The following DCHS2 variants were observed in gnomAD, a reference collection of about 807,000 sequenced individuals.
DCHS2 encodes the protein protocadherin-23.
In DCHS2, 142 loss-of-function variants were observed where a neutral mutation model predicts 182.4. That is an observed-to-expected ratio of 0.78 (90% CI 0.68 to 0.89). DCHS2 has a LOEUF of 0.89. Ranked by LOEUF, DCHS2 falls within the 40% of genes least tolerant of loss-of-function variation. The pLI, the probability that DCHS2 is intolerant of heterozygous loss-of-function variation, is 0.00. For missense variants in DCHS2, 4,319 were observed against 4,198.6 expected (o/e 1.03, Z -0.79); for synonymous variants, 1,740 against 1,663.3 (o/e 1.05, Z -1.12).
At chr4:154,322,926 A>G (rs952724842) in intron 7 of DCHS2, 4 of 321,724 alleles carry the variant, frequency 1.2e-5, no homozygotes, top group African/African-American at 2.1e-5. Context: ...AAAATTAATA[A>G]TGGTTCACAG....
At chr4:154,293,796 T>A (rs191979695) in intron 13 of DCHS2, among the ~76,000 whole-genome samples, 35 of 152,318 alleles carry the variant, frequency 2.3e-4, no homozygotes, top group African/African-American at 8.2e-4. Flanking sequence ...TTCCAAATTA[T>A]CACTGGAAAG....
chr4:154,333,333 C>A lies in DCHS2; in HGVS notation c.2875G>T (p.Ala959Ser). 1 of 1,614,136 alleles carries A rather than the reference C, an allele frequency of 6.2e-7. No homozygotes were observed. Among genetic ancestry groups the A allele is most frequent in the Non-Finnish European group, 8.5e-7 (1 of 1,180,022 alleles). The stretch of plus-strand genomic sequence containing the variant: ...ATGTTGACCTCGGTGCTGCTGCAGG[C>A]TGGGGCGCTGCCGAGCTGCGCCTGC... ...TVQAQLGSAP[A>S]CSSTEVNITV... is the part of the protein sequence containing the mutation. The change falls in exon 5 of 20, where the codon GCC (alanine) becomes TCC (serine). Residue 959 changes from alanine (A) to serine (S), a missense_variant. Ala to Ser is a moderately conservative substitution (Grantham distance 99, BLOSUM62 1). Coordinates refer to ENST00000357232, the MANE Select transcript of DCHS2 (RefSeq NM_001358235.2).
chr4:154,429,420 C>T (rs1733469218), intron 1 of DCHS2, among the ~76,000 whole-genome samples: 1 of 152,188 alleles, frequency 6.6e-6, no homozygotes, highest in Non-Finnish European at 1.5e-5. Context: ...GATACTCCCT[C>T]TCCTCATTCT....
chr4:154,281,165 A>T (rs1734125975), intron 13 of DCHS2, among the ~76,000 whole-genome samples: 1 of 152,096 alleles, frequency 6.6e-6, no homozygotes, highest in Admixed American at 6.6e-5. Flanking sequence ...AACACAGTAT[A>T]CAAGTCCTAG....
intron 13 of DCHS2, among the ~76,000 whole-genome samples, chr4:154,297,415 T>G (rs1042628681): frequency 6.6e-6 from 1 of 152,240 alleles, no homozygotes; most frequent in African/African-American, 2.4e-5. Flanking sequence ...GAAGTATCTA[T>G]AGGCTTTTTT....
At chr4:154,424,318 G>T (rs1328238550) in intron 1 of DCHS2, among the ~76,000 whole-genome samples, 1 of 152,156 alleles carries the variant, frequency 6.6e-6, no homozygotes, top group Non-Finnish European at 1.5e-5. Context: ...AAGGAAGCCA[G>T]AAAAGAACAT....
At chr4:154,299,113 C>A (rs1231034321) in intron 12 of DCHS2, among the ~76,000 whole-genome samples, 1 of 152,102 alleles carries the variant, frequency 6.6e-6, no homozygotes, top group African/African-American at 2.4e-5. Context: ...AATATAATGT[C>A]CTTTTTTAAG....
At chr4:154,454,216 T>C (rs1462299855) in intron 1 of DCHS2, among the ~76,000 whole-genome samples, 3 of 152,234 alleles carry the variant, frequency 2.0e-5, no homozygotes, top group East Asian at 3.9e-4. Flanking sequence ...AAAGAAATTG[T>C]TTTAATCAGA....
chr4:154,461,046 G>A (rs1484089663), intron 1 of DCHS2, among the ~76,000 whole-genome samples: 1 of 152,070 alleles, frequency 6.6e-6, no homozygotes, highest in Non-Finnish European at 1.5e-5. Flanking sequence ...AATAACATAT[G>A]AATCACAAGC....
At chr4:154,283,754 A>G (rs997588497) in intron 13 of DCHS2, among the ~76,000 whole-genome samples, 1 of 152,206 alleles carries the variant, frequency 6.6e-6, no homozygotes, top group Non-Finnish European at 1.5e-5. Context: ...CTGCTGCTTC[A>G]GTGTTGGATC....
rs753533849 is a variant in DCHS2 at position 154,234,929 on chromosome 4, C to T, written c.9723G>A (p.Glu3241=). The T allele has an allele frequency of 1.2e-6, 2 of 1,613,910 alleles. No homozygotes were observed. Among genetic ancestry groups the T allele is most frequent in the Non-Finnish European group, 1.7e-6 (2 of 1,179,910 alleles). The change falls in exon 20 of 20, where the codon GAG becomes GAA. Residue 3241 remains glutamate (E), a synonymous_variant. Transcript: ENST00000357232. ...NYHWNYLLSW[E]PKFQPLASVF... Reference sequence around the variant, plus strand: ...CTGAGGCAAGAGGTTGGAATTTGGGCTCCCAACTAAGAAGATAATTCCAGT... The same window carrying T: ...CTGAGGCAAGAGGTTGGAATTTGGGTTCCCAACTAAGAAGATAATTCCAGT...
chr4:154,327,044 C>G lies in DCHS2; in HGVS notation c.4018+1049G>C, dbSNP rs1561044285. Among the ~76,000 whole-genome samples the G allele has an allele frequency of 2.0e-5, 3 of 152,102 alleles. No individual in the cohort carries two copies. In the East Asian group the frequency reaches 5.8e-4, roughly 29 times the overall value. ...AGCTTTTCATTTCATTCTTTTATGT[C>G]CTTCATTAATATTTTATATTTTTCT... On this transcript the variant is annotated intron_variant, in intron 7 of 19. Coordinates refer to ENST00000357232, the MANE Select transcript of DCHS2 (RefSeq NM_001358235.2).
chr4:154,459,304 GC>G (rs1218280985), intron 1 of DCHS2, among the ~76,000 whole-genome samples: 6 of 151,994 alleles, frequency 3.9e-5, no homozygotes, highest in African/African-American at 1.5e-4. Context: ...TAGGATTGAA[GC>G]ATTTGCCCAA....
At chr4:154,462,001 C>T (rs1735027548) in intron 1 of DCHS2, among the ~76,000 whole-genome samples, 1 of 152,156 alleles carries the variant, frequency 6.6e-6, no homozygotes, top group South Asian at 2.1e-4. Flanking sequence ...GGAGGTCATG[C>T]TTTTAAAATT....
intron 1 of DCHS2, chr4:154,384,466 G>A (rs1343624797): frequency 6.3e-7 from 1 of 1,593,066 alleles, no homozygotes; most frequent in Non-Finnish European, 8.6e-7. Context: ...AATCCACACT[G>A]ACTGCTTGTA....
intron 10 of DCHS2, 57 bp from the exon 11 acceptor site, chr4:154,305,288 A>G: frequency 6.5e-7 from 1 of 1,549,982 alleles, no homozygotes; most frequent in Non-Finnish European, 8.7e-7. Flanking sequence ...ACATTTATCC[A>G]CTTTCCTATT....
intron 7 of DCHS2, among the ~76,000 whole-genome samples, chr4:154,323,674 T>G (rs1387373139): frequency 6.6e-6 from 1 of 152,220 alleles, no homozygotes; most frequent in Non-Finnish European, 1.5e-5. Context: ...CTACGCCTGA[T>G]TCATCTGATG....
At chr4:154,337,046 C>T (rs1268378881) in intron 3 of DCHS2, among the ~76,000 whole-genome samples, 1 of 152,162 alleles carries the variant, frequency 6.6e-6, no homozygotes, top group Non-Finnish European at 1.5e-5. Flanking sequence ...ATATTCACAT[C>T]TGGTTTCAGA....
chr4:154,420,266 T>C (rs545864397), intron 1 of DCHS2, among the ~76,000 whole-genome samples: 2,258 of 148,196 alleles, frequency 0.015, 32 homozygotes, highest in South Asian at 0.068. Context: ...GATAGATAGA[T>C]AGATAGATAG....
Sources: gnomAD v4.1 joint callset for allele counts (sites outside exome capture counted in the v4.1 genomes callset) on GRCh38, gnomAD v4.1.1 for gene constraint, MANE v1.5 for transcripts, NCBI Gene and HGNC (gene_info 2026-07-23, HGNC 2026-07-21) for gene names.